The following NR2C2 variants were observed in gnomAD, a reference collection of about 807,000 sequenced individuals.
NR2C2 encodes nuclear receptor subfamily 2 group C member 2, also known as Nuclear hormone receptor TR4.
A neutral mutation model predicts 62.9 loss-of-function variants in NR2C2; 6 were observed. The observed-to-expected ratio is 0.10, with a 90% confidence interval of 0.05 to 0.19. The LOEUF (loss-of-function observed/expected upper bound fraction) is 0.19, where lower values mean the gene tolerates loss of function less well. Among genes scored for constraint, NR2C2 ranks in the 10% least tolerant of loss-of-function variants. The pLI, the probability that NR2C2 is intolerant of heterozygous loss-of-function variation, is 1.00. For synonymous variants in NR2C2, 272 were observed against 273.8 expected, an observed-to-expected ratio of 0.99 and a Z score of 0.07; for missense variants, 479 against 762.7, an observed-to-expected ratio of 0.63 and a Z score of 4.38.
Position 15,046,124 on chromosome 3 carries a change from T to G in NR2C2, c.*3116T>G, listed in dbSNP as rs1320117690. The G allele has an allele frequency of 6.6e-6, 1 of 152,264 alleles. No individual in the cohort carries two copies. Among genetic ancestry groups the G allele is most frequent in the Non-Finnish European group, 1.5e-5 (1 of 68,046 alleles). 9.4% of individuals were successfully genotyped at this position (152,264 alleles called of 1,614,324 possible). ...TGTGTTACCTACCATACTCTCCTAATTTGACATTTCTGTGTCCTGAGGAGT... is the reference window on the plus strand; with the variant it reads ...TGTGTTACCTACCATACTCTCCTAAGTTGACATTTCTGTGTCCTGAGGAGT... On this transcript the variant is annotated 3_prime_UTR_variant, in exon 14 of 14. Coordinates refer to ENST00000425241, the MANE Select transcript of NR2C2 (RefSeq NM_001291694.2).
At chr3:15,022,398 C>CTTTTTTTTTTTTTTTTTT (rs71038450) in intron 5 of NR2C2, among the ~76,000 whole-genome samples, 20 of 89,140 alleles carry the variant, frequency 2.2e-4, no homozygotes, top group South Asian at 8.8e-4. Flanking sequence ...CTTTTTCTTT[C>CTTTTTTTTTTTTTTTTTT]TTTTTTTTTT....
rs376914208 is a variant in NR2C2, at chr3:15,003,926, C to T, written c.12C>T (p.Pro4=). 6.8e-6 allele frequency: 11 copies of T among 1,613,868 alleles called. No individual in the cohort carries two copies. In the African/African-American group the frequency reaches 9.3e-5, roughly 14 times the overall value. Residue 4 remains proline (P), a synonymous_variant, in exon 2 of 14, where the codon CCC becomes CCT. Transcript: ENST00000425241. The stretch of plus-strand genomic sequence containing the variant: ...CGGAATCTCCAGGGATGACCAGCCC[C>T]TCCCCACGCATCCAGATAATCTCCA... MTS[P]SPRIQIISTD... is the part of the protein sequence containing the mutation.
chr3:15,018,546 A>G (rs1316419440), intron 4 of NR2C2, among the ~76,000 whole-genome samples: 1 of 152,118 alleles, frequency 6.6e-6, no homozygotes, highest in Non-Finnish European at 1.5e-5. Flanking sequence ...AAATCACCAC[A>G]TGAGGTATCA....
At chr3:15,009,119 G>C (rs1180760146) in intron 2 of NR2C2, among the ~76,000 whole-genome samples, 1 of 152,206 alleles carries the variant, frequency 6.6e-6, no homozygotes, top group East Asian at 1.9e-4. Context: ...CTACTCGGGA[G>C]GCTGAGGCAG....
intron 13 of NR2C2, among the ~76,000 whole-genome samples, chr3:15,039,523 T>A (rs2042195385): frequency 6.6e-6 from 1 of 152,178 alleles, no homozygotes; most frequent in South Asian, 2.1e-4. Context: ...ATTGCTACTC[T>A]TTAATTGGAG....
chr3:14,965,686 A>C (rs1353717685), intron 1 of NR2C2, among the ~76,000 whole-genome samples: 1 of 151,380 alleles, frequency 6.6e-6, no homozygotes, highest in South Asian at 2.1e-4. Context: ...TTTGAGACAG[A>C]GTTTCGCTCT....
intron 9 of NR2C2, 28 bp from the exon 10 acceptor site, chr3:15,032,351 C>T: frequency 1.2e-6 from 2 of 1,614,214 alleles, no homozygotes; most frequent in Non-Finnish European, 1.7e-6. Context: ...TCCTTCACCT[C>T]CTGTGCCATG....
chr3:14,976,124 A>C (rs1230921640), intron 1 of NR2C2, among the ~76,000 whole-genome samples: 2 of 152,076 alleles, frequency 1.3e-5, no homozygotes, highest in Non-Finnish European at 2.9e-5. Context: ...TGTGTTTCTG[A>C]GAATTTGTCC....
chr3:15,039,319 A>T, intron 13 of NR2C2, 92 bp downstream of exon 13: 1 of 825,072 alleles, frequency 1.2e-6, no homozygotes, highest in Non-Finnish European at 2.0e-6. Context: ...TAACCTTTCC[A>T]TTTTTAGCAG....
At chr3:15,030,082 T>C (rs762223906) in intron 8 of NR2C2, among the ~76,000 whole-genome samples, 193 bp from the exon 9 acceptor site, 7 of 152,178 alleles carry the variant, frequency 4.6e-5, no homozygotes, top group Non-Finnish European at 7.4e-5. Context: ...CCCAGCACTT[T>C]GAGAGGCCAA....
chr3:15,013,307 C>T (rs7629011), intron 2 of NR2C2, among the ~76,000 whole-genome samples: 46,261 of 152,056 alleles, frequency 0.3, 7,669 homozygotes, highest in African/African-American at 0.41. Context: ...GTTAAACCTA[C>T]TATTTATTAT....
At chr3:14,976,926 T>C (rs2040223437) in intron 1 of NR2C2, among the ~76,000 whole-genome samples, 1 of 152,270 alleles carries the variant, frequency 6.6e-6, no homozygotes, top group South Asian at 2.1e-4. Context: ...TTCTATTCTG[T>C]TCTGAAATAT....
In NR2C2 at chr3:14,947,775, C is replaced by T. The variant is rs1340739905; in HGVS notation, c.-171C>T. 1.3e-5 allele frequency: 2 copies of T among 149,716 alleles called. No individual in the cohort carries two copies. The highest frequency in any genetic ancestry group is 6.6e-5 in the Admixed American group (1 of 15,086). 9.3% of individuals were successfully genotyped at this position (149,716 alleles called of 1,614,324 possible). On this transcript the variant is annotated 5_prime_UTR_variant, in exon 1 of 14. Transcript: ENST00000425241. ...GTCTCTCGCCCGCTGCCCCGCGAGCCCGCGGCCCCCGGGCTCCCGCCATCC... is the reference window on the plus strand; with the variant it reads ...GTCTCTCGCCCGCTGCCCCGCGAGCTCGCGGCCCCCGGGCTCCCGCCATCC...
intron 1 of NR2C2, among the ~76,000 whole-genome samples, chr3:14,969,642 C>T (rs1310484484): frequency 1.3e-5 from 2 of 152,212 alleles, no homozygotes; most frequent in African/African-American, 4.8e-5. Flanking sequence ...AAAGAAATCA[C>T]TCATACACCT....
chr3:14,976,385 C>T (rs967801233), intron 1 of NR2C2, among the ~76,000 whole-genome samples: 3 of 152,090 alleles, frequency 2.0e-5, no homozygotes, highest in Non-Finnish European at 4.4e-5. Context: ...CCTAGTGTCT[C>T]CAACATAGTT....
intron 2 of NR2C2, among the ~76,000 whole-genome samples, chr3:15,005,649 G>A (rs1185430354): frequency 6.6e-6 from 1 of 151,238 alleles, no homozygotes; most frequent in African/African-American, 2.4e-5. Context: ...TTTTGCCTCA[G>A]CCTCCCAAGT....
chr3:15,006,603 G>A (rs914335883), intron 2 of NR2C2, among the ~76,000 whole-genome samples: 7 of 151,998 alleles, frequency 4.6e-5, no homozygotes, highest in Non-Finnish European at 1.0e-4. Flanking sequence ...ATCCAAACTC[G>A]CAGCAGGGCC....
chr3:14,966,744 C>T (rs2039869580), intron 1 of NR2C2, among the ~76,000 whole-genome samples: 1 of 152,128 alleles, frequency 6.6e-6, no homozygotes, highest in African/African-American at 2.4e-5. Flanking sequence ...CCAAGGTAAA[C>T]TACAAAAGTT....
At chr3:14,951,792 G>C (rs1170254039) in intron 1 of NR2C2, among the ~76,000 whole-genome samples, 1 of 151,960 alleles carries the variant, frequency 6.6e-6, no homozygotes, top group Non-Finnish European at 1.5e-5. Context: ...CTGTCACCCA[G>C]GCTGGAGTGC....
Sources: gnomAD v4.1 joint callset for allele counts (sites outside exome capture counted in the v4.1 genomes callset) on GRCh38, gnomAD v4.1.1 for gene constraint, MANE v1.5 for transcripts, NCBI Gene and HGNC (gene_info 2026-07-23, HGNC 2026-07-21) for gene names.